Variants in VIPR2 observed in about 807,000 individuals in gnomAD.
VIPR2 encodes vasoactive intestinal polypeptide receptor 2.
A neutral mutation model predicts 58.0 loss-of-function variants in VIPR2; 48 were observed. That is an observed-to-expected ratio of 0.83 (90% CI 0.66 to 1.05). VIPR2 has a LOEUF of 1.05. Among genes scored for constraint, VIPR2 ranks in the 50% least tolerant of loss-of-function variants. VIPR2 has a pLI of 0.00. For synonymous variants in VIPR2, 243 were observed against 235.2 expected, an observed-to-expected ratio of 1.03 and a Z score of -0.30; for missense variants, 534 against 558.0, an observed-to-expected ratio of 0.96 and a Z score of 0.43.
At chr7:159,113,786 G>C (rs1796133144) in intron 2 of VIPR2, among the ~76,000 whole-genome samples, 3 of 152,224 alleles carry the variant, frequency 2.0e-5, no homozygotes, top group African/African-American at 7.2e-5. Context: ...TACTTGGGTG[G>C]TGGGAATGGC....
intron 10 of VIPR2, 44 bp from the exon 11 acceptor site, chr7:159,032,111 A>ACCCTCTGC: frequency 6.2e-7 from 1 of 1,610,182 alleles, no homozygotes; most frequent in Non-Finnish European, 8.5e-7. Flanking sequence ...GGACCCTCGG[A>ACCCTCTGC]CCCTCTGCAA....
At chr7:159,104,334 G>A (rs372068811) in intron 3 of VIPR2, among the ~76,000 whole-genome samples, 2 of 139,278 alleles carry the variant, frequency 1.4e-5, no homozygotes, top group African/African-American at 5.4e-5. Flanking sequence ...CCCTCCTCCC[G>A]GCCAGCACCC....
At chr7:159,104,390 A>G (rs1233091119) in intron 3 of VIPR2, among the ~76,000 whole-genome samples, 1 of 141,212 alleles carries the variant, frequency 7.1e-6, no homozygotes, top group Non-Finnish European at 1.5e-5. Flanking sequence ...AGTTCCCAAC[A>G]GCACGACAGT....
chr7:159,064,492 C>T (rs897544554), intron 4 of VIPR2, among the ~76,000 whole-genome samples: 2 of 152,046 alleles, frequency 1.3e-5, no homozygotes, highest in Non-Finnish European at 2.9e-5. Flanking sequence ...ATGGACGAGA[C>T]CAGAACTGTG....
intron 2 of VIPR2, among the ~76,000 whole-genome samples, chr7:159,140,964 C>T (rs891509378): frequency 1.3e-5 from 2 of 152,026 alleles, no homozygotes; most frequent in African/African-American, 4.8e-5. Flanking sequence ...TGTTTGCAAA[C>T]TTTTAAGAAA....
intron 4 of VIPR2, 29 bp downstream of exon 4, chr7:159,103,728 C>T: frequency 6.3e-7 from 1 of 1,578,770 alleles, no homozygotes; most frequent in Non-Finnish European, 8.7e-7. Flanking sequence ...AGTGGAACCT[C>T]ACCACCGTAG....
intron 2 of VIPR2, among the ~76,000 whole-genome samples, chr7:159,130,394 C>T (rs771115498): frequency 6.6e-6 from 1 of 152,150 alleles, no homozygotes; most frequent in Non-Finnish European, 1.5e-5. Flanking sequence ...ATGCAACTTC[C>T]CCAGTTACCC....
chr7:159,031,346 G>A lies in VIPR2; in HGVS notation c.1143+482C>T, dbSNP rs1209081535. On this transcript the variant is annotated intron_variant, in intron 12 of 12. Transcript: ENST00000262178. The surrounding 1 kb of genome is among the most constrained non-coding windows in gnomAD (Gnocchi z 4.0). ...CGGGAGGGTCAGGGGTCAGGGGACG[G>A]GGCCAGGCCGTTGGAGCAGCCCGGA... is the stretch of plus-strand genomic sequence containing the variant. 1.2e-6 allele frequency: 1 copy of A among 825,798 alleles called. No individual in the cohort carries two copies. Among genetic ancestry groups the A allele is most frequent in the East Asian group, 1.2e-4 (1 of 8,054 alleles). 51.2% of individuals were successfully genotyped at this position (825,798 alleles called of 1,614,324 possible).
chr7:159,130,733 T>G (rs1796876795), intron 2 of VIPR2, among the ~76,000 whole-genome samples: 1 of 152,236 alleles, frequency 6.6e-6, no homozygotes. Flanking sequence ...AATTCTTTCT[T>G]TACTGAAATG....
chr7:159,053,444 C>T (rs748846953), intron 5 of VIPR2, among the ~76,000 whole-genome samples: 13 of 152,178 alleles, frequency 8.5e-5, no homozygotes, highest in Admixed American at 2.0e-4. Flanking sequence ...CTACTATGAT[C>T]ACAGGTTGGA....
At chr7:159,140,859 C>G (rs952703102) in intron 2 of VIPR2, among the ~76,000 whole-genome samples, 3 of 152,132 alleles carry the variant, frequency 2.0e-5, no homozygotes, top group Non-Finnish European at 4.4e-5. Flanking sequence ...TTCCAGGAGG[C>G]GTCGCCAATC....
chr7:159,063,601 G>C (rs572144504), intron 4 of VIPR2, among the ~76,000 whole-genome samples: 1 of 151,442 alleles, frequency 6.6e-6, no homozygotes, highest in East Asian at 2.0e-4. Flanking sequence ...GGGCTGAAGC[G>C]CTCCTCAAGC....
chr7:159,048,648 TTAA>T (rs1156919060), intron 5 of VIPR2, among the ~76,000 whole-genome samples: 2 of 152,274 alleles, frequency 1.3e-5, no homozygotes, highest in Non-Finnish European at 2.9e-5. Context: ...TAATGTATTA[TTAA>T]TTTCACTGGT....
chr7:159,083,109 C>A (rs1008308828), intron 4 of VIPR2, among the ~76,000 whole-genome samples: 1 of 152,162 alleles, frequency 6.6e-6, no homozygotes, highest in Non-Finnish European at 1.5e-5. Flanking sequence ...CCTGCCTGTC[C>A]CTGGTCCCAC....
intron 2 of VIPR2, among the ~76,000 whole-genome samples, chr7:159,140,297 C>G (rs1797410299): frequency 6.6e-6 from 1 of 152,200 alleles, no homozygotes; most frequent in Non-Finnish European, 1.5e-5. Context: ...ACTGTTGTCT[C>G]GTGGAGTCAC....
At chr7:159,133,368 A>C (rs1749976418) in intron 2 of VIPR2, among the ~76,000 whole-genome samples, 2 of 152,306 alleles carry the variant, frequency 1.3e-5, no homozygotes, top group Non-Finnish European at 1.5e-5. Context: ...AGAAAACTTA[A>C]TGTCCTTTCT....
At chr7:159,057,671 A>G (rs1855400267) in intron 5 of VIPR2, among the ~76,000 whole-genome samples, 1 of 152,216 alleles carries the variant, frequency 6.6e-6, no homozygotes, top group African/African-American at 2.4e-5. Context: ...AATAGCCTCC[A>G]TTTTATTTAG....
chr7:159,068,566 C>T (rs117056421), intron 4 of VIPR2, among the ~76,000 whole-genome samples: 2,008 of 152,352 alleles, frequency 0.013, 28 homozygotes, highest in Admixed American at 0.029. Context: ...GAAGTCAGCG[C>T]AGACAGCCCT....
intron 2 of VIPR2, among the ~76,000 whole-genome samples, chr7:159,113,573 A>C (rs1457188195): frequency 6.6e-6 from 1 of 152,174 alleles, no homozygotes; most frequent in East Asian, 1.9e-4. Context: ...ACCTCAGTGC[A>C]GTGTCTTGAG....
Sources: allele counts gnomAD v4.1 joint callset (sites outside exome capture counted in the v4.1 genomes callset), GRCh38; gene constraint gnomAD v4.1.1; non-coding constraint Gnocchi (gnomAD v3.1); transcripts MANE v1.5; gene names NCBI Gene and HGNC (gene_info 2026-07-23, HGNC 2026-07-21).